GRM7: variants seen among roughly 807,000 people sequenced by gnomAD.
GRM7 encodes the protein glutamate metabotropic receptor 7.
Under a neutral mutation model 84.5 loss-of-function variants are expected in GRM7, and 35 were observed. That is an observed-to-expected ratio of 0.41 (90% CI 0.32 to 0.55). GRM7 has a LOEUF of 0.55. GRM7 is among the 20% of genes least tolerant of loss of function. The pLI, the probability that GRM7 is intolerant of heterozygous loss-of-function variation, is 0.19. For missense variants in GRM7, 1,003 were observed against 1,194.6 expected, an observed-to-expected ratio of 0.84 and a Z score of 2.36; for synonymous variants, 487 against 455.1, an observed-to-expected ratio of 1.07 and a Z score of -0.89.
rs553289686 is a variant in GRM7, at chr3:7,035,432, A to C, written c.520-111020A>C. On this transcript the variant is annotated intron_variant, in intron 1 of 9. Transcript: ENST00000357716. ...AATAGAGAATAGAGAATGCTATTTC[A>C]ATACAGAAGGAGCAAGACTGAAATT... is the stretch of plus-strand genomic sequence containing the variant. 2.6e-5 allele frequency among the ~76,000 whole-genome samples: 4 copies of C among 152,342 alleles called. 1 individual carries two copies. In the South Asian group the frequency reaches 8.3e-4, roughly 32 times the overall value.
intron 1 of GRM7, among the ~76,000 whole-genome samples, chr3:6,949,649 G>A (rs1460551357): frequency 6.6e-6 from 1 of 151,842 alleles, no homozygotes; most frequent in Admixed American, 6.6e-5. Context: ...CCTGCAGAGT[G>A]TTTTCCAACT....
chr3:7,061,441 A>C (rs1697431186), intron 1 of GRM7, among the ~76,000 whole-genome samples: 1 of 151,766 alleles, frequency 6.6e-6, no homozygotes, highest in African/African-American at 2.4e-5. Flanking sequence ...CAGGGGAGTT[A>C]AGAAACATAC....
Position 6,946,765 on chromosome 3 carries a change from C to T in GRM7, c.519+84858C>T, listed in dbSNP as rs2125063605. Among the ~76,000 whole-genome samples, 2 of 152,040 alleles carry T rather than the reference C, an allele frequency of 1.3e-5. 1 individual carries two copies. The highest frequency in any genetic ancestry group is 3.9e-4 in the East Asian group (2 of 5,162). ...CAGTGGTTTGTAGTTCTAGGTCCTTCACATCCCTTGTAAGTTGGAATCCTA... is the reference window on the plus strand; with the variant it reads ...CAGTGGTTTGTAGTTCTAGGTCCTTTACATCCCTTGTAAGTTGGAATCCTA... On this transcript the variant is annotated intron_variant, in intron 1 of 9. Transcript: ENST00000357716.
intron 8 of GRM7, among the ~76,000 whole-genome samples, chr3:7,660,314 G>A (rs1699384430): frequency 6.6e-6 from 1 of 152,132 alleles, no homozygotes; most frequent in Non-Finnish European, 1.5e-5. Context: ...CACCCATGAA[G>A]CTTTCTTGGC....
chr3:7,000,869 G>C (rs1253895187), intron 1 of GRM7, among the ~76,000 whole-genome samples: 2 of 152,194 alleles, frequency 1.3e-5, no homozygotes, highest in Non-Finnish European at 2.9e-5. Context: ...TCAGAGGATA[G>C]AGCCAGACAA....
intron 1 of GRM7, among the ~76,000 whole-genome samples, chr3:6,869,747 A>C (rs1695057234): frequency 6.6e-6 from 1 of 152,198 alleles, no homozygotes; most frequent in South Asian, 2.1e-4. Context: ...TATGGAACTG[A>C]TTAAAGGAAA....
chr3:7,172,515 A>G (rs1212093612), intron 2 of GRM7, among the ~76,000 whole-genome samples: 8 of 151,624 alleles, frequency 5.3e-5, no homozygotes, highest in Non-Finnish European at 8.8e-5. Context: ...CAACCCCAGG[A>G]CATCCGTGAA....
At chr3:7,531,702 G>T (rs896615161) in intron 7 of GRM7, among the ~76,000 whole-genome samples, 7 of 152,068 alleles carry the variant, frequency 4.6e-5, no homozygotes, top group Non-Finnish European at 1.0e-4. Context: ...GTCAATTTGG[G>T]GCTGAGATGA....
intron 4 of GRM7, among the ~76,000 whole-genome samples, chr3:7,367,580 G>A (rs111580633): frequency 5.9e-5 from 9 of 151,794 alleles, no homozygotes; most frequent in Non-Finnish European, 1.2e-4. Context: ...TTGAACTGCT[G>A]TAGGAGAATA....
intron 2 of GRM7, among the ~76,000 whole-genome samples, chr3:7,156,490 T>G (rs979393954): frequency 6.6e-6 from 1 of 152,192 alleles, no homozygotes; most frequent in Non-Finnish European, 1.5e-5. Context: ...ACACTTCTAT[T>G]GAGCTGATTC....
Position 7,069,264 on chromosome 3 carries a change from G to A in GRM7, c.520-77188G>A, listed in dbSNP as rs150806697. Among the ~76,000 whole-genome samples, 11 of 152,036 alleles carry A rather than the reference G, an allele frequency of 7.2e-5. No homozygotes were observed. The East Asian group carries it at 9.7e-4, about 13-fold the overall frequency. On this transcript the variant is annotated intron_variant, in intron 1 of 9. Transcript: ENST00000357716. ...GCTAGGCTGAAGGAGTAAGTGGAAC[G>A]ACAGGTCACCAGAACCAGTGAGTAG...
intron 8 of GRM7, among the ~76,000 whole-genome samples, chr3:7,589,586 G>A (rs1695684812): frequency 6.6e-6 from 1 of 152,262 alleles, no homozygotes; most frequent in Admixed American, 6.5e-5. Context: ...CGTGTAAGAG[G>A]AGACGTCCCA....
At chr3:6,892,716 C>T (rs1180453995) in intron 1 of GRM7, 2 of 152,128 alleles carry the variant, frequency 1.3e-5, no homozygotes. Context: ...CAATTACAGA[C>T]ACCTGAGGGG....
chr3:7,429,365 A>C (rs955798164), intron 5 of GRM7, among the ~76,000 whole-genome samples: 1 of 152,188 alleles, frequency 6.6e-6, no homozygotes, highest in African/African-American at 2.4e-5. Context: ...TGGACAATTG[A>C]AATATATTGC....
chr3:7,469,985 A>G (rs1698631541), intron 7 of GRM7, among the ~76,000 whole-genome samples: 1 of 152,186 alleles, frequency 6.6e-6, no homozygotes, highest in Non-Finnish European at 1.5e-5. Flanking sequence ...TTATCTTTAA[A>G]AGATCAGATC....
At chr3:7,492,120 G>A (rs906995082) in intron 7 of GRM7, among the ~76,000 whole-genome samples, 2 of 152,030 alleles carry the variant, frequency 1.3e-5, no homozygotes, top group African/African-American at 2.4e-5. Context: ...ACAAATATGC[G>A]CTGAGGATTT....
intron 8 of GRM7, among the ~76,000 whole-genome samples, chr3:7,603,174 G>C (rs763806499): frequency 5.3e-5 from 8 of 152,128 alleles, no homozygotes; most frequent in Non-Finnish European, 1.2e-4. Context: ...CCTATTTTCA[G>C]TTGATACAGT....
intron 1 of GRM7, among the ~76,000 whole-genome samples, chr3:6,888,246 T>A (rs1695782347): frequency 6.6e-6 from 1 of 152,150 alleles, no homozygotes; most frequent in Non-Finnish European, 1.5e-5. Context: ...TTAGATCCCA[T>A]TTGTCAATTT....
At chr3:7,294,309 C>A (rs1164923489) in intron 2 of GRM7, among the ~76,000 whole-genome samples, 1 of 152,090 alleles carries the variant, frequency 6.6e-6, no homozygotes, top group Non-Finnish European at 1.5e-5. Flanking sequence ...AAATTATACC[C>A]CTTCTGTTGC....
Sources: allele counts gnomAD v4.1 joint callset (sites outside exome capture counted in the v4.1 genomes callset), GRCh38; gene constraint gnomAD v4.1.1; transcripts MANE v1.5; gene names NCBI Gene and HGNC (gene_info 2026-07-23, HGNC 2026-07-21).